The following MAPT variants were observed in gnomAD, a reference collection of about 807,000 sequenced individuals.
MAPT encodes microtubule associated protein tau, also known as microtubule-associated protein tau.
Under a neutral mutation model 67.9 loss-of-function variants are expected in MAPT, and 34 were observed. The observed-to-expected ratio is 0.50, with a 90% CI of 0.38 to 0.67. MAPT has a LOEUF of 0.67. MAPT is among the 30% of genes least tolerant of loss of function. The probability of loss-of-function intolerance (pLI) is 0.00; values close to 1 mark genes in which losing one functional copy is unlikely to be tolerated. For synonymous variants in MAPT, 456 were observed against 464.5 expected, an observed-to-expected ratio of 0.98 and a Z score of 0.23; for missense variants, 881 against 1,115.2, an observed-to-expected ratio of 0.79 and a Z score of 2.99.
rs2064308992 is a variant in MAPT, at chr17:45,906,341, A to G, written c.-18+11655A>G. ...GACTTGGTACAGAATCTCATATTCTAATTATGCCTAGGAGCAGCCTCTCCC... is the reference window on the plus strand; with the variant it reads ...GACTTGGTACAGAATCTCATATTCTGATTATGCCTAGGAGCAGCCTCTCCC... On this transcript the variant is annotated intron_variant, in intron 1 of 12. Transcript: ENST00000262410. This position sits in a 1 kb window ranked among gnomAD's most constrained non-coding sequence, Gnocchi z 4.3. 1.3e-5 allele frequency among the ~76,000 whole-genome samples: 2 copies of G among 152,244 alleles called. No homozygotes were observed. The highest frequency in any genetic ancestry group is 2.1e-4 in the South Asian group (1 of 4,820).
intron 10 of MAPT, among the ~76,000 whole-genome samples, chr17:46,012,203 T>C (rs2075862440): frequency 6.6e-6 from 1 of 152,132 alleles, no homozygotes; most frequent in East Asian, 1.9e-4. Context: ...GAGGCGGAGC[T>C]GGGGAGAGAG....
chr17:45,928,317 C>T (rs746831745), intron 1 of MAPT, among the ~76,000 whole-genome samples: 21 of 152,344 alleles, frequency 1.4e-4, no homozygotes, highest in Middle Eastern at 3.4e-3. Context: ...CCTATCCCCT[C>T]CCTTTCACCT....
chr17:45,898,668 G>C (rs1284787049), intron 1 of MAPT: 2 of 152,130 alleles, frequency 1.3e-5, no homozygotes, highest in East Asian at 1.9e-4. Flanking sequence ...TTGGACATGT[G>C]ATAATTTTCC....
intron 1 of MAPT, among the ~76,000 whole-genome samples, chr17:45,957,844 G>T (rs1266050768): frequency 2.7e-5 from 4 of 149,180 alleles, no homozygotes; most frequent in Admixed American, 2.0e-4. Context: ...GTGGAACTTT[G>T]AGAATTTGCA....
intron 12 of MAPT, among the ~76,000 whole-genome samples, chr17:46,020,524 G>A (rs980704566): frequency 1.3e-5 from 2 of 152,148 alleles, no homozygotes; most frequent in Non-Finnish European, 2.9e-5. Context: ...GTATTAGTCC[G>A]TTTTCACGCC....
At chr17:46,014,453 A>G (rs2076020960) in intron 11 of MAPT, 129 bp downstream of exon 11, 2 of 747,362 alleles carry the variant, frequency 2.7e-6, no homozygotes, top group South Asian at 3.0e-5. Context: ...ACATCAAGGA[A>G]AGTGTTGAGT....
At chr17:46,021,236 C>T (rs1297633340) in intron 12 of MAPT, among the ~76,000 whole-genome samples, 1 of 152,198 alleles carries the variant, frequency 6.6e-6, no homozygotes, top group African/African-American at 2.4e-5. Flanking sequence ...CGAGAGCTCT[C>T]GGGTTGCGCG....
At chr17:45,941,713 T>TCCTTCCTTCCTTCCTTCCTTCCTG (rs2067988836) in intron 1 of MAPT, among the ~76,000 whole-genome samples, 2 of 110,996 alleles carry the variant, frequency 1.8e-5, no homozygotes, top group East Asian at 5.8e-4. Flanking sequence ...CTGCCTTCCT[T>TCCTTCCTTCCTTCCTTCCTTCCTG]CCTTCCTTCC....
intron 9 of MAPT, among the ~76,000 whole-genome samples, chr17:46,009,795 G>A (rs973636026): frequency 1.3e-5 from 2 of 152,220 alleles, no homozygotes; most frequent in African/African-American, 4.8e-5. Flanking sequence ...TCAGGGCTAG[G>A]GGCTGAGATT....
chr17:45,990,928 G>A (rs62063797), intron 7 of MAPT, among the ~76,000 whole-genome samples: 1 of 152,058 alleles, frequency 6.6e-6, no homozygotes, highest in Non-Finnish European at 1.5e-5. Context: ...TGCTCGCCTG[G>A]TCTGAGCACA....
chr17:45,911,912 AAT>A (rs2064826945), intron 1 of MAPT, among the ~76,000 whole-genome samples: 1 of 152,306 alleles, frequency 6.6e-6, no homozygotes, highest in Admixed American at 6.5e-5. Context: ...TGGAGTTTTG[AAT>A]GCTAAAAGTG....
At position 46,024,491 on chromosome 17, in the gene MAPT, C is replaced by T; in HGVS notation, c.*320C>T. The T allele has an allele frequency of 2.3e-6, 1 of 438,312 alleles. No homozygotes were observed. The highest frequency in any genetic ancestry group is 4.2e-6 in the Non-Finnish European group (1 of 235,714). 27.2% of individuals were successfully genotyped at this position (438,312 alleles called of 1,614,324 possible). On this transcript the variant is annotated 3_prime_UTR_variant, in exon 13 of 13. Coordinates refer to ENST00000262410, the MANE Select transcript of MAPT (RefSeq NM_001377265.1). Reference sequence around the variant, plus strand: ...TTTTGATTCTTTTTTCTTCCCCCTCCATGTAGAAGAGGGAGAAGGAGAGGC... The same window carrying T: ...TTTTGATTCTTTTTTCTTCCCCCTCTATGTAGAAGAGGGAGAAGGAGAGGC...
At chr17:45,964,016 G>T (rs2145336035) in intron 2 of MAPT, among the ~76,000 whole-genome samples, 1 of 152,190 alleles carries the variant, frequency 6.6e-6, no homozygotes, top group South Asian at 2.1e-4. Flanking sequence ...GGGTGAGGAG[G>T]TGAGAGGGAC....
At chr17:45,952,945 T>G (rs17650651) in intron 1 of MAPT, among the ~76,000 whole-genome samples, 21,801 of 152,142 alleles carry the variant, frequency 0.14, 2,136 homozygotes, top group Non-Finnish European at 0.22. Context: ...TGTCTGCCTC[T>G]TACTGGCTGT....
chr17:45,923,446 G>C (rs562887986), intron 1 of MAPT, among the ~76,000 whole-genome samples: 3 of 152,216 alleles, frequency 2.0e-5, no homozygotes, highest in African/African-American at 7.2e-5. Context: ...GAAGGGGTCC[G>C]GCTGTCCCTG....
chr17:45,947,847 GT>G (rs1489892404), intron 1 of MAPT, among the ~76,000 whole-genome samples: 5 of 151,768 alleles, frequency 3.3e-5, no homozygotes, highest in African/African-American at 9.7e-5. Flanking sequence ...AAAAAATACT[GT>G]TTATTTTTCT....
chr17:45,941,716 T>C (rs1196457327), intron 1 of MAPT, among the ~76,000 whole-genome samples: 31 of 121,636 alleles, frequency 2.5e-4, no homozygotes, highest in Non-Finnish European at 4.3e-4. Context: ...CCTTCCTTCC[T>C]TCCTTCCTTC....
rs571593503 is a variant in MAPT at position 45,999,875 on chromosome 17, T to G, written c.1998+3211T>G. 3.9e-5 allele frequency among the ~76,000 whole-genome samples: 6 copies of G among 152,146 alleles called. No homozygotes were observed. The South Asian group carries it at 1.3e-3, about 32-fold the overall frequency. The stretch of plus-strand genomic sequence containing the variant: ...TAGAAAAATTGTCTGAAACTAAACC[T>G]CAGCCATAACAAAGACCAACACATG... On this transcript the variant is annotated intron_variant, in intron 9 of 12. Coordinates refer to ENST00000262410, the MANE Select transcript of MAPT (RefSeq NM_001377265.1).
intron 1 of MAPT, among the ~76,000 whole-genome samples, chr17:45,946,615 A>AAAT: frequency 1.1e-4 from 11 of 100,400 alleles, no homozygotes; most frequent in African/African-American, 2.6e-4. Context: ...AAAAAAAAAA[A>AAAT]ATATATATAT....
Sources: allele counts gnomAD v4.1 joint callset (sites outside exome capture counted in the v4.1 genomes callset), GRCh38; gene constraint gnomAD v4.1.1; non-coding constraint Gnocchi (gnomAD v3.1); transcripts MANE v1.5; gene names NCBI Gene and HGNC (gene_info 2026-07-23, HGNC 2026-07-21).